Variants in LRRC4C observed in about 807,000 individuals in gnomAD.
LRRC4C encodes the protein leucine-rich repeat-containing protein 4C.
In LRRC4C, 5 loss-of-function variants were observed where a neutral mutation model predicts 33.6. That is an observed-to-expected ratio of 0.15 (90% CI 0.08 to 0.31). LRRC4C has a LOEUF of 0.31. Among genes scored for constraint, LRRC4C ranks in the 10% least tolerant of loss-of-function variants. The pLI, the probability that LRRC4C is intolerant of heterozygous loss-of-function variation, is 1.00. For synonymous variants in LRRC4C, 329 were observed against 302.0 expected, an observed-to-expected ratio of 1.09 and a Z score of -0.93; for missense variants, 560 against 796.7, an observed-to-expected ratio of 0.70 and a Z score of 3.58.
At chr11:40,386,024 A>C (rs1949097860) in intron 3 of LRRC4C, among the ~76,000 whole-genome samples, 1 of 151,284 alleles carries the variant, frequency 6.6e-6, no homozygotes, top group Non-Finnish European at 1.5e-5. Flanking sequence ...AAATCTGCAC[A>C]TGTACCCATG....
chr11:41,142,226 T>C (rs533704486), intron 1 of LRRC4C, among the ~76,000 whole-genome samples: 2 of 152,314 alleles, frequency 1.3e-5, no homozygotes, highest in South Asian at 2.1e-4. Context: ...ATTTACTCAT[T>C]CATTTGCTCC....
chr11:40,139,465 C>T (rs1166564257), intron 6 of LRRC4C, among the ~76,000 whole-genome samples: 1 of 152,174 alleles, frequency 6.6e-6, no homozygotes, highest in Middle Eastern at 3.2e-3. Flanking sequence ...AAATCATTAA[C>T]TTCATGTGCA....
intron 2 of LRRC4C, among the ~76,000 whole-genome samples, chr11:40,838,400 A>T (rs1031105744): frequency 6.6e-6 from 1 of 152,202 alleles, no homozygotes; most frequent in Non-Finnish European, 1.5e-5. Context: ...CATTCAGCTC[A>T]TGAAAAATGT....
At chr11:40,856,987 TA>T (rs545167958) in intron 2 of LRRC4C, among the ~76,000 whole-genome samples, 75 of 152,166 alleles carry the variant, frequency 4.9e-4, no homozygotes, top group Non-Finnish European at 9.0e-4. Flanking sequence ...GAAGTCTAAC[TA>T]AACATTCAAA....
intron 3 of LRRC4C, among the ~76,000 whole-genome samples, chr11:40,521,248 G>T (rs934083453): frequency 1.3e-5 from 2 of 152,078 alleles, no homozygotes; most frequent in African/African-American, 4.8e-5. Flanking sequence ...TGCACTTCAG[G>T]TATAATTTAA....
intron 3 of LRRC4C, among the ~76,000 whole-genome samples, chr11:40,487,047 GA>G (rs1379810317): frequency 2.0e-5 from 3 of 152,030 alleles, no homozygotes; most frequent in Non-Finnish European, 4.4e-5. Context: ...GGGGCTCCTA[GA>G]AAGTCTGTTA....
At chr11:41,272,423 C>T (rs1447104254) in intron 1 of LRRC4C, among the ~76,000 whole-genome samples, 1 of 152,104 alleles carries the variant, frequency 6.6e-6, no homozygotes, top group Admixed American at 6.6e-5. Flanking sequence ...TTTCTGGAAA[C>T]ACGCCTCTGA....
chr11:41,420,579 T>C (rs1258817505), intron 1 of LRRC4C, among the ~76,000 whole-genome samples: 1 of 152,102 alleles, frequency 6.6e-6, no homozygotes, highest in Non-Finnish European at 1.5e-5. Flanking sequence ...TTTAATTTCG[T>C]TGGTGCTTTT....
At chr11:40,224,815 A>G (rs1441808286) in intron 5 of LRRC4C, among the ~76,000 whole-genome samples, 2 of 152,194 alleles carry the variant, frequency 1.3e-5, no homozygotes, top group African/African-American at 2.4e-5. Context: ...TGTGATATCC[A>G]TTTATTTACT....
intron 2 of LRRC4C, among the ~76,000 whole-genome samples, chr11:40,788,268 GGTA>G (rs1409866139): frequency 4.6e-5 from 7 of 151,930 alleles, no homozygotes; most frequent in Non-Finnish European, 8.8e-5. Context: ...AAAGCAGCTT[GGTA>G]ATATTCAACC....
At chr11:41,395,568 A>G (rs1201714766) in intron 1 of LRRC4C, among the ~76,000 whole-genome samples, 1 of 151,986 alleles carries the variant, frequency 6.6e-6, no homozygotes, top group Non-Finnish European at 1.5e-5. Context: ...ATACCAGTTC[A>G]CTTTCTTCCA....
chr11:40,496,943 T>C (rs1434344197), intron 3 of LRRC4C, among the ~76,000 whole-genome samples: 2 of 152,178 alleles, frequency 1.3e-5, no homozygotes, highest in Non-Finnish European at 2.9e-5. Context: ...CTTGGAGAAG[T>C]GCTACACAAG....
chr11:40,929,193 C>A (rs1957509176), intron 2 of LRRC4C, among the ~76,000 whole-genome samples: 1 of 152,248 alleles, frequency 6.6e-6, no homozygotes, highest in East Asian at 1.9e-4. Flanking sequence ...CTACTGGATG[C>A]CAACAATACC....
chr11:41,205,028 G>A (rs936876401), intron 1 of LRRC4C, among the ~76,000 whole-genome samples: 5 of 152,154 alleles, frequency 3.3e-5, no homozygotes, highest in African/African-American at 9.7e-5. Flanking sequence ...ACCCTTTGGA[G>A]ATCCCAGGTA....
At chr11:40,696,345 A>G (rs79079438) in intron 2 of LRRC4C, among the ~76,000 whole-genome samples, 15,052 of 141,656 alleles carry the variant, frequency 0.11, 1,039 homozygotes, top group African/African-American at 0.18. Context: ...TATATGGTGT[A>G]TATATATGTG....
intron 4 of LRRC4C, among the ~76,000 whole-genome samples, chr11:40,302,665 T>A (rs1235420446): frequency 6.6e-6 from 1 of 152,228 alleles, no homozygotes; most frequent in Non-Finnish European, 1.5e-5. Context: ...TTCAATCCAT[T>A]TATGTATTGA....
chr11:40,984,413 A>AAG (rs139916332), intron 1 of LRRC4C, among the ~76,000 whole-genome samples: 6 of 75,252 alleles, frequency 8.0e-5, no homozygotes, highest in African/African-American at 2.1e-4. Flanking sequence ...GAAAGAAAGA[A>AAG]AGAGAAAGAA....
chr11:40,678,835 A>T (rs988296898), intron 2 of LRRC4C, among the ~76,000 whole-genome samples: 4 of 152,134 alleles, frequency 2.6e-5, no homozygotes, highest in Admixed American at 2.6e-4. Flanking sequence ...CAGCATGAGA[A>T]CGGGATAATA....
At chr11:40,624,995 G>A (rs2135974725) in intron 3 of LRRC4C, among the ~76,000 whole-genome samples, 1 of 152,138 alleles carries the variant, frequency 6.6e-6, no homozygotes, top group East Asian at 1.9e-4. Flanking sequence ...AATAGAAATA[G>A]CATTCATCAG....
Sources: allele counts gnomAD v4.1 joint callset (sites outside exome capture counted in the v4.1 genomes callset), GRCh38; gene constraint gnomAD v4.1.1; transcripts MANE v1.5; gene names NCBI Gene and HGNC (gene_info 2026-07-23, HGNC 2026-07-21).